TULP4: variants seen among roughly 807,000 people sequenced by gnomAD.
The protein encoded by TULP4 is TUB like protein 4.
TULP4 carries 16 observed loss-of-function variants against 129.0 expected under a neutral mutation model. The ratio of observed to expected loss-of-function variants is 0.12; its 90% confidence interval spans 0.08 to 0.19. The LOEUF (loss-of-function observed/expected upper bound fraction) is 0.19. TULP4 is among the 10% of genes least tolerant of loss of function. The pLI, the probability that TULP4 is intolerant of heterozygous loss-of-function variation, is 1.00. For synonymous variants in TULP4, 998 were observed against 854.0 expected, an observed-to-expected ratio of 1.17 and a Z score of -2.94; for missense variants, 1,842 against 2,059.1, an observed-to-expected ratio of 0.89 and a Z score of 2.04.
intron 2 of TULP4, among the ~76,000 whole-genome samples, chr6:158,414,661 G>C (rs1363285525): frequency 6.6e-6 from 1 of 152,184 alleles, no homozygotes; most frequent in Non-Finnish European, 1.5e-5. Context: ...GTTCTAAAAT[G>C]CTGTCATTCT....
At chr6:158,488,079 A>C (rs1002698746) in intron 8 of TULP4, among the ~76,000 whole-genome samples, 1 of 152,206 alleles carries the variant, frequency 6.6e-6, no homozygotes, top group African/African-American at 2.4e-5. Context: ...AAGCCTGGGC[A>C]ACATAGTGAG....
chr6:158,449,235 G>A, intron 4 of TULP4, 59 bp downstream of exon 4: 1 of 1,547,612 alleles, frequency 6.5e-7, no homozygotes, highest in Non-Finnish European at 8.7e-7. Context: ...GGGCATCGGA[G>A]CAGAGTAGAC....
At chr6:158,411,194 A>G (rs1253756727) in intron 1 of TULP4, among the ~76,000 whole-genome samples, 1 of 152,140 alleles carries the variant, frequency 6.6e-6, no homozygotes, top group Non-Finnish European at 1.5e-5. Context: ...GTTCAAAGAT[A>G]TAAGTTAACA....
At chr6:158,379,960 A>T (rs1777285559) in intron 1 of TULP4, among the ~76,000 whole-genome samples, 1 of 152,150 alleles carries the variant, frequency 6.6e-6, no homozygotes, top group African/African-American at 2.4e-5. Context: ...GCCCTAGTGG[A>T]TGATTAGGGC....
intron 1 of TULP4, among the ~76,000 whole-genome samples, chr6:158,382,523 T>C (rs116896562): frequency 0.019 from 2,858 of 152,280 alleles, 44 homozygotes; most frequent in Non-Finnish European, 0.03. Flanking sequence ...TGAGAAAACT[T>C]TGGAGTCCAG....
intron 6 of TULP4, among the ~76,000 whole-genome samples, chr6:158,474,849 G>T (rs1779780889): frequency 6.6e-6 from 1 of 152,168 alleles, no homozygotes; most frequent in Non-Finnish European, 1.5e-5. Context: ...CACTCCAAAA[G>T]TCAGATTTTG....
At chr6:158,412,960 TTTA>T (rs767553160) in intron 1 of TULP4, 102 bp from the exon 2 acceptor site, 269 of 1,454,410 alleles carry the variant, frequency 1.8e-4, no homozygotes, top group Non-Finnish European at 2.2e-4. Context: ...GTCTTCTCCC[TTTA>T]TTGACTGCAT....
chr6:158,238,453 A>C (rs1210790943), intron 1 of TULP4: 34 of 417,034 alleles, frequency 8.2e-5, no homozygotes, highest in Non-Finnish European at 1.2e-4. Flanking sequence ...TTTTATTGAT[A>C]ATTCTTGGGT....
At chr6:158,482,393 A>C (rs1378320905) in intron 8 of TULP4, among the ~76,000 whole-genome samples, 1 of 152,194 alleles carries the variant, frequency 6.6e-6, no homozygotes, top group Non-Finnish European at 1.5e-5. Context: ...CAAAACAGCA[A>C]TACCACTTGT....
chr6:158,307,103 G>A (rs1779228240), intron 1 of TULP4, among the ~76,000 whole-genome samples: 1 of 152,168 alleles, frequency 6.6e-6, no homozygotes, highest in Non-Finnish European at 1.5e-5. Flanking sequence ...ATATTTTTAT[G>A]AAAACAACTG....
At chr6:158,363,782 G>T (rs1000339458) in intron 1 of TULP4, among the ~76,000 whole-genome samples, 2 of 152,084 alleles carry the variant, frequency 1.3e-5, no homozygotes, top group African/African-American at 4.8e-5. Flanking sequence ...ACCGCGCAAG[G>T]CCGCGTGTTT....
chr6:158,415,492 G>T (rs1305166486), intron 2 of TULP4, among the ~76,000 whole-genome samples: 2 of 150,596 alleles, frequency 1.3e-5, no homozygotes, highest in Non-Finnish European at 3.0e-5. Context: ...TGGGACTACA[G>T]ACACCCACCA....
At chr6:158,470,229 C>T (rs962573839) in intron 6 of TULP4, among the ~76,000 whole-genome samples, 2 of 152,176 alleles carry the variant, frequency 1.3e-5, no homozygotes, top group Non-Finnish European at 2.9e-5. Context: ...TGGGAGTCAG[C>T]GGCGGGTCTG....
intron 6 of TULP4, 90 bp downstream of exon 6, chr6:158,461,819 CT>C: frequency 2.8e-6 from 4 of 1,417,766 alleles, no homozygotes; most frequent in Admixed American, 2.4e-5. Flanking sequence ...TTATTTTAAT[CT>C]TTTTTTACCT....
At chr6:158,494,084 T>A (rs559475425) in intron 10 of TULP4, among the ~76,000 whole-genome samples, 1 of 152,256 alleles carries the variant, frequency 6.6e-6, no homozygotes, top group South Asian at 2.1e-4. Context: ...GCCTAGATTG[T>A]CACCACCCCA....
At chr6:158,370,457 CAAAA>C (rs533005080) in intron 1 of TULP4, among the ~76,000 whole-genome samples, 6 of 28,896 alleles carry the variant, frequency 2.1e-4, no homozygotes, top group African/African-American at 6.1e-4. Flanking sequence ...AACTCCATCT[CAAAA>C]AAAAAAAAAA....
Position 158,506,222 on chromosome 6 carries a change from C to CTTTTTT in TULP4, c.4516-333_4516-328dup, listed in dbSNP as rs61292138. 3.4e-3 allele frequency among the ~76,000 whole-genome samples: 187 copies of CTTTTTT among 55,512 alleles called. 13 individuals carry two copies. The highest frequency in any genetic ancestry group is 3.7e-3 in the Non-Finnish European group (113 of 30,228). The allele number at this position is 55,512 out of a possible 152,430, so 36.4% of individuals were successfully genotyped here. ...CGGCTGTCGCCTTGCTCGCCTTGTT[C>CTTTTTT]TTTTTTTTTTTTTTTTTTTTTTTTT... On this transcript the variant is annotated intron_variant, in intron 13 of 13. Coordinates refer to ENST00000367097, the MANE Select transcript of TULP4 (RefSeq NM_020245.5).
At chr6:158,364,759 C>T (rs150664819) in intron 1 of TULP4, among the ~76,000 whole-genome samples, 59 of 152,202 alleles carry the variant, frequency 3.9e-4, no homozygotes, top group Non-Finnish European at 6.8e-4. Context: ...TTTTTTAAGA[C>T]GGAGTCTCAT....
intron 1 of TULP4, among the ~76,000 whole-genome samples, chr6:158,253,846 C>T (rs1054762257): frequency 2.0e-5 from 3 of 152,028 alleles, no homozygotes; most frequent in Non-Finnish European, 4.4e-5. Flanking sequence ...ACCAGACTGG[C>T]CAACATGGCG....
Sources: allele counts gnomAD v4.1 joint callset (sites outside exome capture counted in the v4.1 genomes callset), GRCh38; gene constraint gnomAD v4.1.1; transcripts MANE v1.5; gene names NCBI Gene and HGNC (gene_info 2026-07-23, HGNC 2026-07-21).